Variants in DAZAP1 observed in about 807,000 individuals in gnomAD.
DAZAP1 encodes DAZ associated protein 1, also known as DAZ-associated protein 1.
A neutral mutation model predicts 60.1 loss-of-function variants in DAZAP1; 6 were observed. That is an observed-to-expected ratio of 0.10 (90% confidence interval 0.05 to 0.20). The LOEUF (loss-of-function observed/expected upper bound fraction) is 0.20, where lower values mean the gene tolerates loss of function less well. Among genes scored for constraint, DAZAP1 ranks in the 10% least tolerant of loss-of-function variants. The pLI, the probability that DAZAP1 is intolerant of heterozygous loss-of-function variation, is 1.00. For missense variants in DAZAP1, 366 were observed against 560.4 expected, an observed-to-expected ratio of 0.65 and a Z score of 3.50; for synonymous variants, 235 against 215.9, an observed-to-expected ratio of 1.09 and a Z score of -0.78.
At chr19:1,429,937 G>A (rs919357011) in intron 8 of DAZAP1, 30 bp from the exon 9 acceptor site, 3 of 1,557,960 alleles carry the variant, frequency 1.9e-6, no homozygotes, top group South Asian at 1.2e-5. Flanking sequence ...TGGACACGGC[G>A]CCAACCTCCT....
At position 1,433,261 on chromosome 19, in the gene DAZAP1, G is replaced by T; in HGVS notation, c.1048+571G>T. 1 of 197,820 alleles carries T rather than the reference G, an allele frequency of 5.1e-6. No homozygotes were observed. The allele number at this position is 197,820 out of a possible 1,614,324, so 12.3% of individuals were successfully genotyped here. A position where few individuals can be genotyped will look rare whatever the true frequency, so the allele number is the denominator to read the frequency against. ...GGGGGCGGGGTCAGCATGGGTCAAG[G>T]TCTGCATGTCAGTAGTTCTCGCCCT... On this transcript the variant is annotated intron_variant, in intron 11 of 11. Coordinates refer to ENST00000233078, the MANE Select transcript of DAZAP1 (RefSeq NM_018959.4). This position sits in a 1 kb window ranked among gnomAD's most constrained non-coding sequence, Gnocchi z 6.1.
At position 1,417,662 on chromosome 19, in the gene DAZAP1, C is replaced by A. The variant is rs138460388; in HGVS notation, c.70+122C>A. The A allele has an allele frequency of 3.6e-3, 3,379 of 937,716 alleles. 12 individuals are homozygous for A. Among genetic ancestry groups the A allele is most frequent in the Non-Finnish European group, 4.5e-3 (2,809 of 618,294 alleles). The allele number at this position is 937,716 out of a possible 1,614,324, so 58.1% of individuals were successfully genotyped here. ...ATTTTAAAGTCCTTTTGACGTTGTT[C>A]TGATTTCTGGGCAGGGGACAGAGTA... On this transcript the variant is annotated intron_variant, in intron 2 of 11. Coordinates refer to ENST00000233078, the MANE Select transcript of DAZAP1 (RefSeq NM_018959.4).
chr19:1,426,122 G>T lies in DAZAP1; in HGVS notation c.546+162G>T, dbSNP rs1223547183. Among the ~76,000 whole-genome samples, 1 of 152,178 alleles carries T rather than the reference G, an allele frequency of 6.6e-6. No individual in the cohort carries two copies. The highest frequency in any genetic ancestry group is 6.5e-5 in the Admixed American group (1 of 15,280). ...GCCTGGGTCTGTAGACGTGAGGAGG[G>T]TCCCATCCTTCCCCAGCACCCTTCC... is the stretch of plus-strand genomic sequence containing the variant. On this transcript the variant is annotated intron_variant, in intron 7 of 11. Coordinates refer to ENST00000233078, the MANE Select transcript of DAZAP1 (RefSeq NM_018959.4). This position sits in a 1 kb window ranked among gnomAD's most constrained non-coding sequence, Gnocchi z 5.4.
At position 1,416,026 on chromosome 19, in the gene DAZAP1, G is replaced by A. The variant is rs1278170822; in HGVS notation, c.30-1474G>A. The A allele has an allele frequency of 1.3e-5, 2 of 152,224 alleles. No homozygotes were observed. Among genetic ancestry groups the A allele is most frequent in the Admixed American group, 6.5e-5 (1 of 15,284 alleles). 9.4% of individuals were successfully genotyped at this position (152,224 alleles called of 1,614,324 possible). ...GAAGGAACAGGGACAAGCTCCTGGC[G>A]GTTGGCTGTGGCAGACACTTCACCA... On this transcript the variant is annotated intron_variant, in intron 1 of 11. Transcript: ENST00000233078. This position sits in a 1 kb window ranked among gnomAD's most constrained non-coding sequence, Gnocchi z 4.3.
At chr19:1,424,985 G>C (rs1474048055) in intron 6 of DAZAP1, among the ~76,000 whole-genome samples, 2 of 152,216 alleles carry the variant, frequency 1.3e-5, no homozygotes, top group East Asian at 1.9e-4. Context: ...GCCCACCCCA[G>C]ACCCACTAAA....
intron 4 of DAZAP1, among the ~76,000 whole-genome samples, chr19:1,420,754 AAAT>A (rs1279281764): frequency 6.6e-6 from 1 of 152,188 alleles, no homozygotes; most frequent in African/African-American, 2.4e-5. Flanking sequence ...GTACAGCCTG[AAAT>A]CCAGCTTCCT....
intron 1 of DAZAP1, among the ~76,000 whole-genome samples, chr19:1,409,103 A>G (rs1185774905): frequency 2.0e-5 from 3 of 152,164 alleles, no homozygotes; most frequent in African/African-American, 7.2e-5. Context: ...CTTCCGTTGG[A>G]GAACCAGGAT....
chr19:1,413,703 G>C (rs987090338), intron 1 of DAZAP1, among the ~76,000 whole-genome samples: 1 of 152,218 alleles, frequency 6.6e-6, no homozygotes, highest in South Asian at 2.1e-4. Context: ...TTGGGAGGCC[G>C]AGGCGGGCGG....
intron 1 of DAZAP1, chr19:1,415,595 TGGAGAGTGA>T (rs1251235302): frequency 6.6e-6 from 1 of 151,196 alleles, no homozygotes; most frequent in Non-Finnish European, 1.5e-5. Context: ...GCACAGCCTA[TGGAGAGTGA>T]GGCACAGCCT....
chr19:1,418,716 G>C lies in DAZAP1; in HGVS notation c.288G>C (p.Arg96=). The C allele has an allele frequency of 6.2e-7, 1 of 1,612,058 alleles. No homozygotes were observed. The highest frequency in any genetic ancestry group is 8.5e-7 in the Non-Finnish European group (1 of 1,178,870). ...GGGGGATGCAGCCGGAGAGAACACG[G>C]CCGAAGGAAGGATGGGTAAGGGGCT... ...TPRGMQPERT[R]PKEGWQKGPR... Residue 96 remains arginine, a synonymous_variant, in exon 4 of 12, where the codon CGG becomes CGC. Transcript: ENST00000233078. The surrounding 1 kb of genome is among the most constrained non-coding windows in gnomAD (Gnocchi z 5.7).
rs1326365514 is a variant in DAZAP1, at chr19:1,428,010, T to C, written c.547-832T>C. The C allele has an allele frequency of 3.9e-5, 6 of 152,204 alleles. No individual in the cohort carries two copies. Among genetic ancestry groups the C allele is most frequent in the Non-Finnish European group, 7.3e-5 (5 of 68,052 alleles). The allele number at this position is 152,204 out of a possible 1,614,324, so 9.4% of individuals were successfully genotyped here. On this transcript the variant is annotated intron_variant, in intron 7 of 11. Coordinates refer to ENST00000233078, the MANE Select transcript of DAZAP1 (RefSeq NM_018959.4). The surrounding 1 kb of genome is among the most constrained non-coding windows in gnomAD (Gnocchi z 4.0). ...GATCTTTCTGTTGTTAGTCCACCCA[T>C]ATTTTCAAGCAGGCATTAAAGGAAG...
intron 6 of DAZAP1, among the ~76,000 whole-genome samples, chr19:1,424,233 T>C (rs879779055): frequency 3.3e-5 from 5 of 151,780 alleles, no homozygotes; most frequent in African/African-American, 1.2e-4. Flanking sequence ...AGCCGCTGCC[T>C]CGTTCGCCTC....
rs2083557090 is a variant in DAZAP1, at chr19:1,434,852, C to T, written c.1164C>T (p.Gly388=). 1 of 1,603,904 alleles carries T rather than the reference C, an allele frequency of 6.2e-7. No individual in the cohort carries two copies. Among genetic ancestry groups the T allele is most frequent in the South Asian group, 1.1e-5 (1 of 90,378 alleles). Reference sequence around the variant, plus strand: ...GGTCGGGGGGCCCCCCCGCCGGCGGCAGCGGCTTTGGACGAGGGCAGAACC... The same window carrying T: ...GGTCGGGGGGCCCCCCCGCCGGCGGTAGCGGCTTTGGACGAGGGCAGAACC... ...VPGSGGPPAG[G]SGFGRGQNHN... The change falls in exon 12 of 12, where the codon GGC becomes GGT. Residue 388 remains glycine, a synonymous_variant. Coordinates refer to ENST00000233078, the MANE Select transcript of DAZAP1 (RefSeq NM_018959.4). The surrounding 1 kb of genome is among the most constrained non-coding windows in gnomAD (Gnocchi z 8.0).
intron 1 of DAZAP1, among the ~76,000 whole-genome samples, chr19:1,415,338 G>A (rs1282436201): frequency 2.3e-5 from 3 of 133,228 alleles, no homozygotes; most frequent in South Asian, 2.5e-4. Context: ...GATTTGGTTT[G>A]GTTTTCAGGG....
Position 1,422,097 on chromosome 19 carries a change from C to A in DAZAP1, c.415-251C>A, listed in dbSNP as rs2083173621. ...CACACGTGAGCGGGGCCACGGGCAG[C>A]CCGGAGGCGGGTATCCAGACGCCTG... On this transcript the variant is annotated intron_variant, in intron 5 of 11. Transcript: ENST00000233078. This position sits in a 1 kb window ranked among gnomAD's most constrained non-coding sequence, Gnocchi z 4.5. Among the ~76,000 whole-genome samples the A allele has an allele frequency of 6.6e-6, 1 of 152,246 alleles. No individual in the cohort carries two copies. The highest frequency in any genetic ancestry group is 1.5e-5 in the Non-Finnish European group (1 of 68,036).
chr19:1,407,612 A>C lies in DAZAP1; in HGVS notation c.-162A>C. 1.6e-5 allele frequency: 4 copies of C among 246,876 alleles called. No individual in the cohort carries two copies. Among genetic ancestry groups the C allele is most frequent in the Non-Finnish European group, 2.3e-5 (4 of 176,946 alleles). 15.3% of individuals were successfully genotyped at this position (246,876 alleles called of 1,614,324 possible). A position where few individuals can be genotyped will look rare whatever the true frequency, so the allele number is the denominator to read the frequency against. On this transcript the variant is annotated 5_prime_UTR_variant, in exon 1 of 12. Coordinates refer to ENST00000233078, the MANE Select transcript of DAZAP1 (RefSeq NM_018959.4). Reference sequence around the variant, plus strand: ...CGCGGTGACCGTTGGCGCCGAGGGGAGGAGGCAGCCGCCGCCGCCGCCGCC... The same window carrying C: ...CGCGGTGACCGTTGGCGCCGAGGGGCGGAGGCAGCCGCCGCCGCCGCCGCC...
Position 1,432,840 on chromosome 19 carries a change from G to A in DAZAP1, c.1048+150G>A. On this transcript the variant is annotated intron_variant, in intron 11 of 11. Coordinates refer to ENST00000233078, the MANE Select transcript of DAZAP1 (RefSeq NM_018959.4). The surrounding 1 kb of genome is among the most constrained non-coding windows in gnomAD (Gnocchi z 4.9). ...AGGAGAGGGGGGTGTGGGGGTTGTT[G>A]GAGAGATCTCGTGGCAACTCGGGTC... 1.1e-6 allele frequency: 1 copy of A among 913,034 alleles called. No individual in the cohort carries two copies. Among genetic ancestry groups the A allele is most frequent in the Non-Finnish European group, 1.6e-6 (1 of 614,508 alleles). The allele number at this position is 913,034 out of a possible 1,614,324, so 56.6% of individuals were successfully genotyped here. A position where few individuals can be genotyped will look rare whatever the true frequency, so the allele number is the denominator to read the frequency against.
Position 1,434,984 on chromosome 19 carries a change from C to T in DAZAP1, c.*72C>T. ...CTTGTGAACTCGTGACAATCACAAA[C>T]TTGGCGGCAAAGTGGCGACTCAACC... On this transcript the variant is annotated 3_prime_UTR_variant, in exon 12 of 12. Coordinates refer to ENST00000233078, the MANE Select transcript of DAZAP1 (RefSeq NM_018959.4). This position sits in a 1 kb window ranked among gnomAD's most constrained non-coding sequence, Gnocchi z 8.0. The T allele has an allele frequency of 1.0e-6, 1 of 973,538 alleles. No individual in the cohort carries two copies. The highest frequency in any genetic ancestry group is 1.3e-6 in the Non-Finnish European group (1 of 796,608). The allele number at this position is 973,538 out of a possible 1,614,324, so 60.3% of individuals were successfully genotyped here.
Position 1,425,866 on chromosome 19 carries a change from G to A in DAZAP1, c.464-12G>A. The stretch of plus-strand genomic sequence containing the variant: ...ACCCTGCTACCTTGATTCACTCTTC[G>A]TCGTTGGCTAGGTTTTGGATTTATT... On this transcript the variant is annotated splice_polypyrimidine_tract_variant and intron_variant, in intron 6 of 11. Transcript: ENST00000233078. The surrounding 1 kb of genome is among the most constrained non-coding windows in gnomAD (Gnocchi z 5.4). 2 of 1,590,400 alleles carry A rather than the reference G, an allele frequency of 1.3e-6. No homozygotes were observed. Among genetic ancestry groups the A allele is most frequent in the Non-Finnish European group, 1.7e-6 (2 of 1,158,488 alleles).
Sources: allele counts gnomAD v4.1 joint callset (sites outside exome capture counted in the v4.1 genomes callset), GRCh38; gene constraint gnomAD v4.1.1; non-coding constraint Gnocchi (gnomAD v3.1); transcripts MANE v1.5; gene names NCBI Gene and HGNC (gene_info 2026-07-23, HGNC 2026-07-21).